ASTN1: variants seen among roughly 807,000 people sequenced by gnomAD.
ASTN1 encodes astrotactin 1.
In ASTN1, 41 loss-of-function variants were observed where a neutral mutation model predicts 140.7. The observed-to-expected ratio is 0.29, with a 90% CI of 0.23 to 0.38. The LOEUF is 0.38. ASTN1 is among the 10% of genes least tolerant of loss of function. The probability of loss-of-function intolerance (pLI) is 1.00; values close to 1 mark genes in which losing one functional copy is unlikely to be tolerated. For missense variants in ASTN1, 1,479 were observed against 1,678.8 expected, an observed-to-expected ratio of 0.88 and a Z score of 2.08; for synonymous variants, 640 against 652.2, an observed-to-expected ratio of 0.98 and a Z score of 0.29.
intron 2 of ASTN1, among the ~76,000 whole-genome samples, chr1:177,059,429 T>C (rs1464083759): frequency 6.6e-6 from 1 of 152,194 alleles, no homozygotes; most frequent in Non-Finnish European, 1.5e-5. Flanking sequence ...TGTTCTTTAA[T>C]AAGAAGATGC....
intron 1 of ASTN1, among the ~76,000 whole-genome samples, chr1:177,163,746 T>A (rs937899245): frequency 2.6e-5 from 4 of 152,102 alleles, no homozygotes; most frequent in African/African-American, 9.7e-5. Flanking sequence ...GACATGGATG[T>A]GTGGATGTGG....
chr1:177,063,280 A>G (rs902011149), intron 1 of ASTN1, among the ~76,000 whole-genome samples: 4 of 152,104 alleles, frequency 2.6e-5, no homozygotes, highest in African/African-American at 9.7e-5. Flanking sequence ...GGTCAGGGCT[A>G]AAAGAGAAAG....
chr1:176,869,419 T>G (rs1668252807), intron 21 of ASTN1, among the ~76,000 whole-genome samples: 1 of 152,218 alleles, frequency 6.6e-6, no homozygotes, highest in Non-Finnish European at 1.5e-5. Context: ...ACAATATTCT[T>G]TCTTTTACTC....
At chr1:176,980,076 G>T (rs976254624) in intron 8 of ASTN1, among the ~76,000 whole-genome samples, 3 of 152,142 alleles carry the variant, frequency 2.0e-5, no homozygotes, top group African/African-American at 7.2e-5. Context: ...TTTGAATAAG[G>T]GATAGAGGAT....
At chr1:176,914,619 G>T (rs1382228708) in intron 16 of ASTN1, among the ~76,000 whole-genome samples, 1 of 152,204 alleles carries the variant, frequency 6.6e-6, no homozygotes, top group Non-Finnish European at 1.5e-5. Flanking sequence ...CCTTGCCTTG[G>T]TCAGAAGCTA....
intron 1 of ASTN1, among the ~76,000 whole-genome samples, chr1:177,144,440 G>C (rs527592091): frequency 4.0e-4 from 61 of 150,814 alleles, no homozygotes; most frequent in African/African-American, 1.4e-3. Context: ...TTTTAGTAGA[G>C]ACGGGGTTTC....
intron 8 of ASTN1, among the ~76,000 whole-genome samples, chr1:176,980,067 T>C (rs545406839): frequency 2.2e-4 from 33 of 152,194 alleles, no homozygotes; most frequent in African/African-American, 6.0e-4. Flanking sequence ...CACTTGACAT[T>C]TGAATAAGGG....
At chr1:177,087,996 T>C (rs2102094457) in intron 1 of ASTN1, among the ~76,000 whole-genome samples, 1 of 152,328 alleles carries the variant, frequency 6.6e-6, no homozygotes, top group Admixed American at 6.5e-5. Flanking sequence ...ACTGAGCTGT[T>C]TGCAAAGAGC....
chr1:176,927,679 A>T (rs1001872576), intron 16 of ASTN1, among the ~76,000 whole-genome samples: 2 of 152,236 alleles, frequency 1.3e-5, no homozygotes, highest in African/African-American at 2.4e-5. Flanking sequence ...TGTGTCAGGG[A>T]TGAAGACTCA....
chr1:177,096,956 G>A (rs995122539), intron 1 of ASTN1, among the ~76,000 whole-genome samples: 1 of 152,072 alleles, frequency 6.6e-6, no homozygotes, highest in Admixed American at 6.6e-5. Flanking sequence ...TCTGAACTAA[G>A]AAATGGCCCT....
rs536885517 is a variant in ASTN1 at position 176,919,184 on chromosome 1, T to C, written c.2671+14968A>G. On this transcript the variant is annotated intron_variant, in intron 16 of 22. Transcript: ENST00000361833. ...AACAAAGCAGGGATTATGCCTCTCATGCGGTGTTGTTTGCCCCAAACCTGC... is the reference window on the plus strand; with the variant it reads ...AACAAAGCAGGGATTATGCCTCTCACGCGGTGTTGTTTGCCCCAAACCTGC... Among the ~76,000 whole-genome samples, 4 of 152,358 alleles carry C rather than the reference T, an allele frequency of 2.6e-5. No homozygotes were observed. In the South Asian group the frequency reaches 8.3e-4, roughly 32 times the overall value.
intron 8 of ASTN1, among the ~76,000 whole-genome samples, chr1:176,974,602 G>T (rs1227034786): frequency 6.6e-6 from 1 of 152,058 alleles, no homozygotes; most frequent in African/African-American, 2.4e-5. Flanking sequence ...GGCCAGGTTG[G>T]TCTCGAACTC....
chr1:177,109,040 A>T (rs1026796834), intron 1 of ASTN1, among the ~76,000 whole-genome samples: 4 of 152,202 alleles, frequency 2.6e-5, no homozygotes, highest in African/African-American at 9.6e-5. Flanking sequence ...AATAATCAAC[A>T]GAGTGCAGAG....
At chr1:177,032,079 A>G (rs1276550795) in intron 3 of ASTN1, among the ~76,000 whole-genome samples, 1 of 152,208 alleles carries the variant, frequency 6.6e-6, no homozygotes, top group Non-Finnish European at 1.5e-5. Flanking sequence ...GGAGAATTAA[A>G]TTGCCTAAGC....
intron 16 of ASTN1, among the ~76,000 whole-genome samples, chr1:176,926,326 A>AT (rs1279001099): frequency 6.7e-6 from 1 of 150,210 alleles, no homozygotes; most frequent in Non-Finnish European, 1.5e-5. Context: ...TGGTAGTAGT[A>AT]TTCTTAGTAA....
Position 176,934,318 on chromosome 1 carries a change from C to T in ASTN1, c.2505G>A (p.Ser835=), listed in dbSNP as rs770179900. Residue 835 remains serine, a synonymous_variant, in exon 16 of 23, where the codon TCG becomes TCA. Transcript: ENST00000361833. ...CTGCACGAGATGTAGCCCCATCCAG[C>T]GAGTGGAGAGCATTGCTGAGGGCTA... is the stretch of plus-strand genomic sequence containing the variant. ...ISQALSNALH[S]LDGATSRADF... is the part of the protein sequence containing the mutation. The T allele has an allele frequency of 1.2e-6, 2 of 1,612,702 alleles. No individual in the cohort carries two copies. The highest frequency in any genetic ancestry group is 1.7e-6 in the Non-Finnish European group (2 of 1,179,000).
chr1:176,986,427 G>A (rs958676935), intron 8 of ASTN1, among the ~76,000 whole-genome samples: 1 of 152,126 alleles, frequency 6.6e-6, no homozygotes, highest in African/African-American at 2.4e-5. Flanking sequence ...GGAGTATGAG[G>A]GTAGTTGGAT....
At chr1:176,945,376 C>T (rs1671909437) in intron 13 of ASTN1, among the ~76,000 whole-genome samples, 1 of 152,046 alleles carries the variant, frequency 6.6e-6, no homozygotes, top group South Asian at 2.1e-4. Context: ...TTTTATAAAA[C>T]ATGAGAGAAG....
chr1:177,008,367 A>G (rs111357429), intron 8 of ASTN1, among the ~76,000 whole-genome samples: 16 of 151,592 alleles, frequency 1.1e-4, no homozygotes, highest in African/African-American at 3.6e-4. Context: ...GAAGAGGAGA[A>G]GATAAAAGTA....
Sources: allele counts gnomAD v4.1 joint callset (sites outside exome capture counted in the v4.1 genomes callset), GRCh38; gene constraint gnomAD v4.1.1; transcripts MANE v1.5; gene names NCBI Gene and HGNC (gene_info 2026-07-23, HGNC 2026-07-21).